ATF2: variants seen among roughly 807,000 people sequenced by gnomAD.
ATF2 encodes the protein activating transcription factor 2.
A neutral mutation model predicts 60.6 loss-of-function variants in ATF2; 24 were observed. The observed-to-expected ratio is 0.40, with a 90% CI of 0.29 to 0.56. The LOEUF is 0.56. ATF2 is among the 20% of genes least tolerant of loss of function. ATF2 has a pLI of 0.54. For synonymous variants in ATF2, 206 were observed against 215.4 expected (o/e 0.96, Z 0.38); for missense variants, 433 against 607.7 (o/e 0.71, Z 3.02).
chr2:175,100,261 A>G (rs1695218018), intron 10 of ATF2, among the ~76,000 whole-genome samples: 1 of 152,240 alleles, frequency 6.6e-6, no homozygotes, highest in African/African-American at 2.4e-5. Flanking sequence ...TATAACATGT[A>G]AAACTATCTG....
At chr2:175,081,365 C>T (rs1282564031) in intron 12 of ATF2, among the ~76,000 whole-genome samples, 1 of 152,148 alleles carries the variant, frequency 6.6e-6, no homozygotes, top group African/African-American at 2.4e-5. Context: ...TTGTACACAT[C>T]TAAATTTAAA....
chr2:175,097,658 G>C, intron 10 of ATF2, 65 bp from the exon 11 acceptor site: 3 of 1,554,846 alleles, frequency 1.9e-6, no homozygotes, highest in Non-Finnish European at 2.6e-6. Context: ...ATATCAACAA[G>C]ACAAACAATA....
chr2:175,108,516 T>C (rs1695910711), intron 10 of ATF2, among the ~76,000 whole-genome samples: 1 of 133,892 alleles, frequency 7.5e-6, no homozygotes, highest in Non-Finnish European at 1.6e-5. Context: ...AGGTGGGGGG[T>C]CAGCCCCCGC....
chr2:175,146,830 T>A (rs1698990875), intron 2 of ATF2, among the ~76,000 whole-genome samples: 1 of 152,198 alleles, frequency 6.6e-6, no homozygotes, highest in African/African-American at 2.4e-5. Flanking sequence ...GGCTCAGTAC[T>A]ATCTACAGTC....
At position 175,074,776 on chromosome 2, in the gene ATF2, C is replaced by T; in HGVS notation, c.1351G>A (p.Ala451Thr). The stretch of plus-strand genomic sequence containing the variant: ...GTGCTGACCGAACTATGCTGTATAG[C>T]TTCTGTATGTGGACTACTCGGCACT... Reference protein sequence around the residue: ...ISVPSSPHTEAIQHSSVSTSN... With the variant: ...ISVPSSPHTETIQHSSVSTSN... The change falls in exon 14 of 14, where the codon GCT becomes ACT. Residue 451 changes from alanine to threonine, a missense_variant. This residue lies in a region of ATF2 where 114 missense variants were observed against 104.0 expected (regional missense o/e 1.10). Coordinates refer to ENST00000264110, the MANE Select transcript of ATF2 (RefSeq NM_001880.4). The T allele has an allele frequency of 6.2e-7, 1 of 1,613,560 alleles. No individual in the cohort carries two copies. The highest frequency in any genetic ancestry group is 1.7e-5 in the Admixed American group (1 of 59,872).
chr2:175,082,839 T>C (rs1262530253), intron 12 of ATF2, among the ~76,000 whole-genome samples: 2 of 152,212 alleles, frequency 1.3e-5, no homozygotes, highest in Non-Finnish European at 2.9e-5. Flanking sequence ...TCTTGCTAAA[T>C]ATTTTATTTA....
chr2:175,144,929 T>C (rs1291363909), intron 2 of ATF2, among the ~76,000 whole-genome samples: 1 of 152,196 alleles, frequency 6.6e-6, no homozygotes, highest in Non-Finnish European at 1.5e-5. Flanking sequence ...ATTCATTATG[T>C]AAATACGTGG....
chr2:175,087,107 T>C (rs1349923190), intron 12 of ATF2, among the ~76,000 whole-genome samples: 1 of 152,192 alleles, frequency 6.6e-6, no homozygotes, highest in African/African-American at 2.4e-5. Context: ...TTGTGGATTA[T>C]TTTAGACTAG....
chr2:175,162,565 T>C (rs994590024), intron 1 of ATF2, among the ~76,000 whole-genome samples: 3 of 152,244 alleles, frequency 2.0e-5, no homozygotes, highest in Non-Finnish European at 2.9e-5. Flanking sequence ...AATGTCAAAA[T>C]AGGCATAAAC....
At chr2:175,144,574 T>G (rs922198732) in intron 2 of ATF2, among the ~76,000 whole-genome samples, 3 of 152,120 alleles carry the variant, frequency 2.0e-5, no homozygotes, top group Non-Finnish European at 4.4e-5. Context: ...AAAACAAATA[T>G]AGAGTGTCTG....
In ATF2 at chr2:175,130,973, CAAAA is replaced by C. The variant is rs1353980120; in HGVS notation, c.33-770_33-767del. The stretch of plus-strand genomic sequence containing the variant: ...TTTATGCTGTTTCCTTGTAATGTAT[CAAAA>C]CTTTTGCCAAAGATTTGATATATCT... On this transcript the variant is annotated intron_variant, in intron 3 of 13. Transcript: ENST00000264110. Among the ~76,000 whole-genome samples the C allele has an allele frequency of 1.6e-3, 236 of 152,172 alleles. 1 individual carries two copies. The highest frequency in any genetic ancestry group is 5.4e-3 in the African/African-American group (226 of 41,524).
intron 10 of ATF2, among the ~76,000 whole-genome samples, chr2:175,101,729 A>T (rs1222241298): frequency 3.3e-5 from 5 of 152,182 alleles, no homozygotes; most frequent in Admixed American, 6.5e-5. Flanking sequence ...TTCATTCATT[A>T]TCCTTCCTTG....
At position 175,074,396 on chromosome 2, in the gene ATF2, TA is replaced by T; in HGVS notation, c.*212del. 1.3e-5 allele frequency: 5 copies of T among 395,784 alleles called. No homozygotes were observed. The highest frequency in any genetic ancestry group is 1.8e-5 in the Non-Finnish European group (4 of 227,726). The allele number at this position is 395,784 out of a possible 1,614,324, so 24.5% of individuals were successfully genotyped here. ...AAATTAATAAATCTAATAATATTTA[TA>T]AAAAAAGCAAAATCAGTCTTTTTCC... is the stretch of plus-strand genomic sequence containing the variant. On this transcript the variant is annotated 3_prime_UTR_variant, in exon 14 of 14. Coordinates refer to ENST00000264110, the MANE Select transcript of ATF2 (RefSeq NM_001880.4).
chr2:175,135,812 T>C (rs1698103891), intron 3 of ATF2, among the ~76,000 whole-genome samples: 1 of 152,188 alleles, frequency 6.6e-6, no homozygotes, highest in Non-Finnish European at 1.5e-5. Flanking sequence ...CTTGTTTTCT[T>C]TCTAGAAATT....
intron 7 of ATF2, among the ~76,000 whole-genome samples, chr2:175,116,534 A>G (rs1193320591): frequency 6.6e-6 from 1 of 152,028 alleles, no homozygotes; most frequent in Non-Finnish European, 1.5e-5. Flanking sequence ...CAATCTGGTG[A>G]GATACCTATG....
chr2:175,165,224 C>T (rs1465446148), intron 1 of ATF2, among the ~76,000 whole-genome samples: 2 of 152,148 alleles, frequency 1.3e-5, no homozygotes, highest in Non-Finnish European at 2.9e-5. Flanking sequence ...TTAATTATTG[C>T]TATTCACTGA....
intron 2 of ATF2, among the ~76,000 whole-genome samples, chr2:175,146,781 C>G (rs1698986437): frequency 6.6e-6 from 1 of 151,666 alleles, no homozygotes; most frequent in Non-Finnish European, 1.5e-5. Context: ...TATATGCTAC[C>G]TGCTCATTAC....
chr2:175,094,182 C>A (rs1694742905), intron 11 of ATF2, among the ~76,000 whole-genome samples: 1 of 151,980 alleles, frequency 6.6e-6, no homozygotes, highest in Admixed American at 6.6e-5. Context: ...CACTTGAGGT[C>A]AGGAGTTCGA....
At chr2:175,083,179 GCATCGCCAAGT>G (rs1468174583) in intron 12 of ATF2, among the ~76,000 whole-genome samples, 1 of 151,830 alleles carries the variant, frequency 6.6e-6, no homozygotes, top group Non-Finnish European at 1.5e-5. Context: ...AAAAGAGCCT[GCATCGCCAAGT>G]CAATCCTAAG....
Sources: allele counts gnomAD v4.1 joint callset (sites outside exome capture counted in the v4.1 genomes callset), GRCh38; gene constraint gnomAD v4.1.1; regional missense constraint gnomAD v4.1.1; transcripts MANE v1.5; gene names NCBI Gene and HGNC (gene_info 2026-07-23, HGNC 2026-07-21).